UEVLD: variants seen among roughly 807,000 people sequenced by gnomAD.
The protein encoded by UEVLD is ubiquitin-conjugating enzyme E2 variant 3.
Under a neutral mutation model 58.6 loss-of-function variants are expected in UEVLD, and 47 were observed. The ratio of observed to expected loss-of-function variants is 0.80; its 90% CI spans 0.63 to 1.02. The LOEUF (loss-of-function observed/expected upper bound fraction) is 1.02, where lower values mean the gene tolerates loss of function less well. Ranked by LOEUF, UEVLD falls within the 50% of genes least tolerant of loss-of-function variation. The pLI, the probability that UEVLD is intolerant of heterozygous loss-of-function variation, is 0.00. For missense variants in UEVLD, 510 were observed against 550.6 expected (o/e 0.93, Z 0.74); for synonymous variants, 197 against 195.3 (o/e 1.01, Z -0.07).
At chr11:18,573,549 C>G (rs779014424) in intron 3 of UEVLD, among the ~76,000 whole-genome samples, 21 of 152,230 alleles carry the variant, frequency 1.4e-4, no homozygotes, top group Non-Finnish European at 2.9e-5. Context: ...GAAAAATCAA[C>G]TCTATGCCTG....
intron 7 of UEVLD, among the ~76,000 whole-genome samples, chr11:18,547,518 T>C (rs1479205723): frequency 1.3e-5 from 2 of 152,094 alleles, no homozygotes; most frequent in African/African-American, 4.8e-5. Flanking sequence ...AGTGAGACTC[T>C]GTCTCAATAA....
Position 18,570,337 on chromosome 11 carries a change from A to G in UEVLD, c.234T>C (p.Asp78=). 1 of 1,575,820 alleles carries G rather than the reference A, an allele frequency of 6.3e-7. No individual in the cohort carries two copies. The highest frequency in any genetic ancestry group is 8.6e-7 in the Non-Finnish European group (1 of 1,169,202). Residue 78 remains aspartate (D), a synonymous_variant, in exon 4 of 12, where the codon GAT becomes GAC. Transcript: ENST00000396197. ...AAATAGGGGGAGCGAAAGGGTGAGA[A>G]TCCAAAATCCAGAAACGAATTGGTA... ...YNIPIRFWIL[D]SHPFAPPICF...
In UEVLD at chr11:18,545,074, A is replaced by ATATTTTT. The variant is rs1345787784; in HGVS notation, c.887-279_887-278insAAAAATA. Among the ~76,000 whole-genome samples, 51 of 84,538 alleles carry ATATTTTT rather than the reference A, an allele frequency of 6.0e-4. 2 individuals carry two copies. The highest frequency in any genetic ancestry group is 2.0e-3 in the East Asian group (6 of 2,994). The allele number at this position is 84,538 out of a possible 152,430, so 55.5% of individuals were successfully genotyped here. A position where few individuals can be genotyped will look rare whatever the true frequency, so the allele number is the denominator to read the frequency against. ...TATCTATATCTATATCTATATCTATATTTTTTTTTTTTTTTTGAGATGGAG... is the reference window on the plus strand; with the variant it reads ...TATCTATATCTATATCTATATCTATATATTTTTTTTTTTTTTTTTTTTTGAGATGGAG... On this transcript the variant is annotated intron_variant, in intron 8 of 11. Transcript: ENST00000396197.
In UEVLD at chr11:18,529,765, A is replaced by G. The variant is rs1430212625; in HGVS notation, c.*2555T>C. 1 of 152,254 alleles carries G rather than the reference A, an allele frequency of 6.6e-6. No homozygotes were observed. The highest frequency in any genetic ancestry group is 1.5e-5 in the Non-Finnish European group (1 of 68,034). 9.4% of individuals were successfully genotyped at this position (152,254 alleles called of 1,614,324 possible). ...GCTCTGCATGATTTCATAAAAATGA[A>G]AACATGAAAGTTAACAAGCATTGAA... On this transcript the variant is annotated 3_prime_UTR_variant, in exon 12 of 12. Transcript: ENST00000396197.
chr11:18,534,194 C>T, intron 11 of UEVLD, 136 bp downstream of exon 11: 1 of 617,350 alleles, frequency 1.6e-6, no homozygotes. Flanking sequence ...AACTAAACTG[C>T]CTTCTCCTAC....
intron 1 of UEVLD, 138 bp from the exon 2 acceptor site, chr11:18,578,946 C>G: frequency 1.8e-6 from 1 of 569,224 alleles, no homozygotes; most frequent in South Asian, 2.2e-5. Context: ...CAGCTCACTG[C>G]AACCTCCGTC....
rs1327893504 is a variant in UEVLD, at chr11:18,558,252, G to A, written c.691C>T (p.Leu231Phe). The change falls in exon 7 of 12, where the codon CTT (leucine) becomes TTT (phenylalanine). Residue 231 changes from leucine (L) to phenylalanine (F), a missense_variant. Physicochemically the swap from Leu to Phe is conservative, Grantham distance 22. Transcript: ENST00000396197. ...CCTTTGCTGATCTCCACATTAGGAA[G>A]GTTGAAGATTTCAAGGTCCATCGTG... ...GATMDLEIFNLPNVEISKDLS... is the reference protein window; with the variant it reads ...GATMDLEIFNFPNVEISKDLS... 1.2e-6 allele frequency: 2 copies of A among 1,612,748 alleles called. No homozygotes were observed. The highest frequency in any genetic ancestry group is 8.5e-7 in the Non-Finnish European group (1 of 1,179,476).
Position 18,532,433 on chromosome 11 carries a change from T to C in UEVLD, c.1303A>G (p.Thr435Ala). Residue 435 changes from threonine to alanine, a missense_variant, in exon 12 of 12, where the codon ACC (threonine) becomes GCC (alanine). By Grantham distance (58) the Thr-to-Ala change is moderately conservative. Transcript: ENST00000396197. ...VFLSLPCILG[T>A]NGVSEVIKTT... ...TTGATAACTTCAGATACTCCATTGG[T>C]TCCAAGGATGCAAGGCAAACTTAAA... 4 of 1,613,370 alleles carry C rather than the reference T, an allele frequency of 2.5e-6. No homozygotes were observed. Among genetic ancestry groups the C allele is most frequent in the Non-Finnish European group, 3.4e-6 (4 of 1,179,708 alleles).
At chr11:18,544,861 CAAAT>C in intron 8 of UEVLD, 65 bp from the exon 9 acceptor site, 1 of 1,234,022 alleles carries the variant, frequency 8.1e-7, no homozygotes, top group Non-Finnish European at 1.1e-6. Flanking sequence ...GCCTAGCTCA[CAAAT>C]ATTTATTATT....
intron 3 of UEVLD, among the ~76,000 whole-genome samples, chr11:18,574,796 A>AT (rs1852814559): frequency 1.3e-5 from 2 of 152,206 alleles, no homozygotes; most frequent in African/African-American, 4.8e-5. Context: ...GATCTTAGGT[A>AT]AATCAGACCA....
chr11:18,582,516 C>T (rs1283268516), intron 1 of UEVLD, among the ~76,000 whole-genome samples: 1 of 142,610 alleles, frequency 7.0e-6, no homozygotes, highest in Non-Finnish European at 1.5e-5. Flanking sequence ...TGGTATTTTT[C>T]GTAGAGATGG....
At chr11:18,578,838 G>T in intron 1 of UEVLD, 30 bp from the exon 2 acceptor site, 1 of 1,470,098 alleles carries the variant, frequency 6.8e-7, no homozygotes. Flanking sequence ...CATGGAGTAA[G>T]AATAAAGCTG....
chr11:18,583,831 T>C (rs1853398944), intron 1 of UEVLD, among the ~76,000 whole-genome samples: 1 of 151,822 alleles, frequency 6.6e-6, no homozygotes, highest in South Asian at 2.1e-4. Context: ...CCGGGTAATT[T>C]TGTATTTTTG....
intron 8 of UEVLD, 40 bp downstream of exon 8, chr11:18,546,840 G>A (rs754867585): frequency 1.9e-6 from 3 of 1,606,928 alleles, no homozygotes; most frequent in Admixed American, 3.4e-5. Flanking sequence ...TTCTACTGAT[G>A]TACTGGACCA....
chr11:18,575,478 G>T, intron 2 of UEVLD, 66 bp from the exon 3 acceptor site: 4 of 1,491,550 alleles, frequency 2.7e-6, no homozygotes, highest in Non-Finnish European at 3.7e-6. Context: ...AGTAAAGTAT[G>T]TAAGTGTGCA....
chr11:18,565,713 G>A (rs924760163), intron 5 of UEVLD, among the ~76,000 whole-genome samples: 2 of 152,032 alleles, frequency 1.3e-5, no homozygotes, highest in African/African-American at 4.8e-5. Context: ...CAGCAACATG[G>A]GAGGATGAAG....
intron 1 of UEVLD, among the ~76,000 whole-genome samples, chr11:18,585,003 T>A (rs1474855936): frequency 6.6e-6 from 1 of 152,214 alleles, no homozygotes; most frequent in South Asian, 2.1e-4. Context: ...GTCAGTTATG[T>A]GTGCTACAGA....
chr11:18,576,694 G>A (rs1168844637), intron 2 of UEVLD, among the ~76,000 whole-genome samples: 1 of 152,128 alleles, frequency 6.6e-6, no homozygotes, highest in Non-Finnish European at 1.5e-5. Flanking sequence ...GCACCACCCA[G>A]ATTGATAAAC....
rs542557724 is a variant in UEVLD, at chr11:18,534,393, A to G, written c.1185T>C (p.Ala395=). 4.7e-5 allele frequency: 74 copies of G among 1,579,550 alleles called. No homozygotes were observed. In the South Asian group the frequency reaches 8.8e-4, roughly 19 times the overall value. Reference sequence around the variant, plus strand: ...TGTTTACAATACTGTCAACCATGTCAGCTACTGATAGTCCAACAGACCAGG... The same window carrying G: ...TGTTTACAATACTGTCAACCATGTCGGCTACTGATAGTCCAACAGACCAGG... ...QRSWSVGLSV[A]DMVDSIVNNK... The change falls in exon 11 of 12, where the codon GCT becomes GCC. Residue 395 remains alanine (A), a synonymous_variant. Coordinates refer to ENST00000396197, the MANE Select transcript of UEVLD (RefSeq NM_001040697.4).
Sources: allele counts gnomAD v4.1 joint callset (sites outside exome capture counted in the v4.1 genomes callset), GRCh38; gene constraint gnomAD v4.1.1; transcripts MANE v1.5; gene names NCBI Gene and HGNC (gene_info 2026-07-23, HGNC 2026-07-21).